The following SMG6 variants were observed in gnomAD, a reference collection of about 807,000 sequenced individuals.
SMG6 encodes the protein telomerase-binding protein EST1A.
SMG6 carries 66 observed loss-of-function variants against 142.2 expected under a neutral mutation model. The ratio of observed to expected loss-of-function variants is 0.46; its 90% CI spans 0.38 to 0.57. The LOEUF is 0.57. Ranked by LOEUF, SMG6 falls within the 20% of genes least tolerant of loss-of-function variation. The probability of loss-of-function intolerance (pLI) is 0.00; values close to 1 mark genes in which losing one functional copy is unlikely to be tolerated. For synonymous variants in SMG6, 779 were observed against 702.4 expected (o/e 1.11, Z -1.72); for missense variants, 1,793 against 1,832.0 (o/e 0.98, Z 0.39).
chr17:2,135,977 C>G (rs919423088), intron 13 of SMG6, among the ~76,000 whole-genome samples: 5 of 149,090 alleles, frequency 3.4e-5, no homozygotes, highest in Non-Finnish European at 5.9e-5. Flanking sequence ...GATACCACAC[C>G]TAGCCTATAT....
At chr17:2,191,190 A>T (rs1435612221) in intron 10 of SMG6, among the ~76,000 whole-genome samples, 4 of 152,232 alleles carry the variant, frequency 2.6e-5, no homozygotes, top group African/African-American at 9.6e-5. Flanking sequence ...CAGTGCCTCA[A>T]GTGAGACATG....
At chr17:2,078,285 TA>T (rs1397929508) in intron 15 of SMG6, among the ~76,000 whole-genome samples, 1 of 152,058 alleles carries the variant, frequency 6.6e-6, no homozygotes, top group African/African-American at 2.4e-5. Flanking sequence ...AATGTGTGAA[TA>T]AATAGTATTT....
chr17:2,202,942 G>C (rs2072575579), intron 10 of SMG6, among the ~76,000 whole-genome samples: 2 of 152,176 alleles, frequency 1.3e-5, no homozygotes, highest in African/African-American at 4.8e-5. Flanking sequence ...ATCTCCAGAA[G>C]TGCTAGGCCC....
intron 10 of SMG6, chr17:2,232,717 A>G (rs532708435): frequency 1.3e-5 from 2 of 152,112 alleles, no homozygotes; most frequent in Non-Finnish European, 2.9e-5. Flanking sequence ...CTCCACCAAC[A>G]CCCGTGAACC....
chr17:2,248,886 G>A (rs1388121909), intron 8 of SMG6, among the ~76,000 whole-genome samples: 1 of 143,068 alleles, frequency 7.0e-6, no homozygotes. Context: ...AGATACTTTG[G>A]AGAACTTTTT....
At chr17:2,175,746 T>C (rs547392068) in intron 12 of SMG6, among the ~76,000 whole-genome samples, 35 of 152,064 alleles carry the variant, frequency 2.3e-4, no homozygotes, top group African/African-American at 8.4e-4. Flanking sequence ...GAAATATAAA[T>C]AAAAGTGGTC....
intron 8 of SMG6, among the ~76,000 whole-genome samples, chr17:2,258,031 A>T (rs1597726271): frequency 3.3e-5 from 3 of 89,962 alleles, no homozygotes; most frequent in Admixed American, 1.3e-4. Context: ...AAAAAAAAAA[A>T]AAAATATACA....
chr17:2,109,308 G>T (rs2069243076), intron 13 of SMG6, among the ~76,000 whole-genome samples: 1 of 152,038 alleles, frequency 6.6e-6, no homozygotes, highest in South Asian at 2.1e-4. Flanking sequence ...TTGTCACCCA[G>T]GCTGGAGTGC....
At chr17:2,300,991 A>C (rs1379717885) in intron 1 of SMG6, among the ~76,000 whole-genome samples, 1 of 152,164 alleles carries the variant, frequency 6.6e-6, no homozygotes, top group Non-Finnish European at 1.5e-5. Context: ...CTACCTCATT[A>C]TTGTCAGAAC....
At chr17:2,074,063 A>AT (rs2068190071) in intron 15 of SMG6, among the ~76,000 whole-genome samples, 1 of 152,148 alleles carries the variant, frequency 6.6e-6, no homozygotes, top group African/African-American at 2.4e-5. Flanking sequence ...AGCCTGGGTG[A>AT]TAAGAGCAAA....
intron 11 of SMG6, among the ~76,000 whole-genome samples, chr17:2,187,336 C>T (rs2072020805): frequency 6.6e-6 from 1 of 152,178 alleles, no homozygotes; most frequent in Admixed American, 6.5e-5. Flanking sequence ...ACGTGTGCTC[C>T]TGCACTGGAT....
intron 13 of SMG6, among the ~76,000 whole-genome samples, chr17:2,146,476 C>G (rs575358591): frequency 5.3e-5 from 8 of 152,316 alleles, no homozygotes; most frequent in Non-Finnish European, 1.0e-4. Flanking sequence ...GACAAAAAGA[C>G]TAAATTTGTT....
In SMG6 at chr17:2,127,824, A is replaced by G. The variant is rs1236410988; in HGVS notation, c.3358-41923T>C. On this transcript the variant is annotated intron_variant, in intron 13 of 18. Coordinates refer to ENST00000263073, the MANE Select transcript of SMG6 (RefSeq NM_017575.5). ...CCAAAGTAATCATATCGTTTTTCAC[A>G]TTCACAGTCTGAGACATTATTTGCT... The G allele has an allele frequency of 3.3e-5, 18 of 550,994 alleles. No individual in the cohort carries two copies. The East Asian group carries it at 8.6e-4, about 26-fold the overall frequency. The allele number at this position is 550,994 out of a possible 1,614,324, so 34.1% of individuals were successfully genotyped here.
At chr17:2,292,482 A>G in intron 6 of SMG6, 70 bp downstream of exon 6, 1 of 1,433,428 alleles carries the variant, frequency 7.0e-7, no homozygotes, top group Non-Finnish European at 9.8e-7. Flanking sequence ...CCAGGAACTG[A>G]TATTATCAAA....
At chr17:2,157,646 TCTTA>T (rs2071047835) in intron 13 of SMG6, among the ~76,000 whole-genome samples, 1 of 152,208 alleles carries the variant, frequency 6.6e-6, no homozygotes, top group South Asian at 2.1e-4. Flanking sequence ...TAGCTTTGGA[TCTTA>T]CTGTTTGGCT....
Position 2,283,701 on chromosome 17 carries a change from C to A in SMG6, c.2372G>T (p.Arg791Leu). ...GATAGGGTTGCTGGCAGCTAAACTG[C>A]GCATATAGTAATAGACAGCGTCAAG... Reference protein sequence around the residue: ...RKLDAVYYYMRSLAASNPILT... With the variant: ...RKLDAVYYYMLSLAASNPILT... The change falls in exon 7 of 19, where the codon CGC becomes CTC. Residue 791 changes from arginine to leucine, a missense_variant. By Grantham distance (102) the Arg-to-Leu change is moderately radical. This residue lies in a region of SMG6 where 1,597 missense variants were observed against 1,584.6 expected (regional missense o/e 1.01). Transcript: ENST00000263073. 6.2e-7 allele frequency: 1 copy of A among 1,614,044 alleles called. No individual in the cohort carries two copies. Among genetic ancestry groups the A allele is most frequent in the Non-Finnish European group, 8.5e-7 (1 of 1,180,010 alleles).
At chr17:2,266,487 A>C (rs1281902380) in intron 8 of SMG6, among the ~76,000 whole-genome samples, 1 of 152,204 alleles carries the variant, frequency 6.6e-6, no homozygotes, top group African/African-American at 2.4e-5. Context: ...ATACACAAAA[A>C]ATAAACAAAG....
chr17:2,249,369 C>G (rs1334161435), intron 8 of SMG6, among the ~76,000 whole-genome samples: 1 of 152,226 alleles, frequency 6.6e-6, no homozygotes, highest in Non-Finnish European at 1.5e-5. Context: ...CATCACGGCT[C>G]ACTGCAGCCT....
At chr17:2,165,936 G>A (rs914747557) in intron 13 of SMG6, among the ~76,000 whole-genome samples, 1 of 152,032 alleles carries the variant, frequency 6.6e-6, no homozygotes, top group Non-Finnish European at 1.5e-5. Context: ...AAATGGACGG[G>A]CGCGGTGACT....
Sources: gnomAD v4.1 joint callset for allele counts (sites outside exome capture counted in the v4.1 genomes callset) on GRCh38, gnomAD v4.1.1 for gene constraint, gnomAD v4.1.1 regional missense constraint, MANE v1.5 for transcripts, NCBI Gene and HGNC (gene_info 2026-07-23, HGNC 2026-07-21) for gene names.